GFRA1: variants seen among roughly 807,000 people sequenced by gnomAD.
The protein encoded by GFRA1 is GDNF family receptor alpha 1.
Under a neutral mutation model 51.6 loss-of-function variants are expected in GFRA1, and 16 were observed. That is an observed-to-expected ratio of 0.31 (90% CI 0.21 to 0.47). GFRA1 has a LOEUF of 0.47. Among genes scored for constraint, GFRA1 ranks in the 20% least tolerant of loss-of-function variants. The probability of loss-of-function intolerance (pLI) is 1.00; values close to 1 mark genes in which losing one functional copy is unlikely to be tolerated. For synonymous variants in GFRA1, 270 were observed against 241.3 expected (o/e 1.12, Z -1.10); for missense variants, 530 against 594.3 (o/e 0.89, Z 1.13).
chr10:116,190,811 G>A (rs997273770), intron 5 of GFRA1, among the ~76,000 whole-genome samples: 4 of 152,212 alleles, frequency 2.6e-5, no homozygotes, highest in African/African-American at 4.8e-5. Flanking sequence ...AATGTGCACC[G>A]TTTATCTGGT....
At chr10:116,101,717 T>TA (rs1161111552) in intron 6 of GFRA1, among the ~76,000 whole-genome samples, 2 of 152,164 alleles carry the variant, frequency 1.3e-5, no homozygotes, top group African/African-American at 4.8e-5. Context: ...TGGATTACCA[T>TA]AATCCTTTAA....
chr10:116,204,456 T>C (rs1293030890), intron 5 of GFRA1, among the ~76,000 whole-genome samples: 1 of 152,234 alleles, frequency 6.6e-6, no homozygotes, highest in Non-Finnish European at 1.5e-5. Flanking sequence ...CAGATCTTGG[T>C]TTCTTGTATC....
intron 5 of GFRA1, among the ~76,000 whole-genome samples, chr10:116,142,778 C>T (rs952233588): frequency 6.6e-6 from 1 of 151,868 alleles, no homozygotes; most frequent in Non-Finnish European, 1.5e-5. Flanking sequence ...CAGTAGAAAA[C>T]CCATATTTAT....
At chr10:116,189,988 T>C (rs3781546) in intron 5 of GFRA1, among the ~76,000 whole-genome samples, 27,190 of 152,008 alleles carry the variant, frequency 0.18, 2,607 homozygotes, top group Admixed American at 0.28. Context: ...TCCGGCCTGA[T>C]GAGAGCCCCA....
intron 8 of GFRA1, 73 bp downstream of exon 8, chr10:116,093,629 T>C (rs1462915316): frequency 7.5e-7 from 1 of 1,338,574 alleles, no homozygotes; most frequent in Non-Finnish European, 1.1e-6. Context: ...AGGCACAAGG[T>C]ACAAGAGGTA....
chr10:116,154,925 G>A (rs1181810284), intron 5 of GFRA1, among the ~76,000 whole-genome samples: 1 of 152,114 alleles, frequency 6.6e-6, no homozygotes, highest in Non-Finnish European at 1.5e-5. Flanking sequence ...CCATGCACAG[G>A]GATCCCCTAC....
At chr10:116,176,040 TATTATTTGGAAAAG>T (rs1961556135) in intron 5 of GFRA1, among the ~76,000 whole-genome samples, 1 of 152,148 alleles carries the variant, frequency 6.6e-6, no homozygotes, top group South Asian at 2.1e-4. Flanking sequence ...GCAAATGCAG[TATTATTTGGAAAAG>T]ATGACAAACA....
intron 4 of GFRA1, among the ~76,000 whole-genome samples, chr10:116,262,411 G>A (rs1012108286): frequency 1.3e-5 from 2 of 152,050 alleles, no homozygotes; most frequent in African/African-American, 4.8e-5. Context: ...TTGCCTTTAG[G>A]AAGTGGTCAG....
chr10:116,203,378 A>C (rs1395423001), intron 5 of GFRA1, among the ~76,000 whole-genome samples: 2 of 152,198 alleles, frequency 1.3e-5, no homozygotes, highest in Non-Finnish European at 2.9e-5. Flanking sequence ...TCTGGGCTGA[A>C]GGGAACCAGG....
intron 4 of GFRA1, among the ~76,000 whole-genome samples, chr10:116,212,805 G>T (rs1430720459): frequency 1.3e-5 from 2 of 152,108 alleles, no homozygotes; most frequent in Admixed American, 6.5e-5. Context: ...CTGGACATTG[G>T]GTTGTTCTCC....
chr10:116,064,651 C>G (rs1327692641), intron 10 of GFRA1, 107 bp from the exon 11 acceptor site: 6 of 963,994 alleles, frequency 6.2e-6, no homozygotes, highest in Non-Finnish European at 1.0e-5. Context: ...ACCCACTCAC[C>G]AAAGCTGACC....
chr10:116,195,317 T>C (rs1963638421), intron 5 of GFRA1, among the ~76,000 whole-genome samples: 1 of 152,188 alleles, frequency 6.6e-6, no homozygotes, highest in African/African-American at 2.4e-5. Context: ...TCTGTGTCCT[T>C]CAAACTCACA....
chr10:116,114,275 C>T (rs3900762), intron 6 of GFRA1, among the ~76,000 whole-genome samples: 19,006 of 152,266 alleles, frequency 0.12, 1,451 homozygotes, highest in East Asian at 0.21. Context: ...AATCTCCCCA[C>T]TCTGTGCCCA....
At chr10:116,079,637 T>C (rs1212317632) in intron 9 of GFRA1, among the ~76,000 whole-genome samples, 8 of 152,024 alleles carry the variant, frequency 5.3e-5, no homozygotes, top group Non-Finnish European at 1.2e-4. Context: ...ATCCGGACGG[T>C]AGAGGCCAGG....
At chr10:116,124,269 G>A (rs778069764) in intron 6 of GFRA1, among the ~76,000 whole-genome samples, 17 of 146,572 alleles carry the variant, frequency 1.2e-4, no homozygotes, top group South Asian at 4.3e-4. Flanking sequence ...CACTCTTGTC[G>A]CCCAGGCTGG....
Position 116,073,359 on chromosome 10 carries a change from C to T in GFRA1, c.1198-7733G>A, listed in dbSNP as rs140413916. 5.3e-4 allele frequency among the ~76,000 whole-genome samples: 81 copies of T among 152,300 alleles called. 1 individual carries two copies. Among genetic ancestry groups the T allele is most frequent in the African/African-American group, 1.8e-3 (76 of 41,564 alleles). ...CTTACATCTTTTTTGCTTTTCCCCA[C>T]GCTGAGGCAGACACAGGTTGCAGAA... On this transcript the variant is annotated intron_variant, in intron 9 of 10. Transcript: ENST00000355422.
intron 4 of GFRA1, among the ~76,000 whole-genome samples, chr10:116,246,400 C>T (rs1014717704): frequency 1.8e-4 from 27 of 152,152 alleles, no homozygotes; most frequent in African/African-American, 6.5e-4. Flanking sequence ...CATTGCACTC[C>T]AGCCTGGGCA....
At chr10:116,118,243 G>A (rs561094202) in intron 6 of GFRA1, among the ~76,000 whole-genome samples, 12 of 152,214 alleles carry the variant, frequency 7.9e-5, no homozygotes, top group African/African-American at 2.2e-4. Flanking sequence ...TGCGCTCATC[G>A]CTTCTCATGG....
At chr10:116,091,567 A>G (rs925577279) in intron 8 of GFRA1, among the ~76,000 whole-genome samples, 2 of 152,194 alleles carry the variant, frequency 1.3e-5, no homozygotes, top group Non-Finnish European at 2.9e-5. Flanking sequence ...TCTCTTCCCC[A>G]TGCATCTGTC....
Sources: gnomAD v4.1 joint callset for allele counts (sites outside exome capture counted in the v4.1 genomes callset) on GRCh38, gnomAD v4.1.1 for gene constraint, MANE v1.5 for transcripts, NCBI Gene and HGNC (gene_info 2026-07-23, HGNC 2026-07-21) for gene names.